EXOC6: variants seen among roughly 807,000 people sequenced by gnomAD.
EXOC6 encodes SEC15-like 1.
In EXOC6, 60 loss-of-function variants were observed where a neutral mutation model predicts 112.5. The observed-to-expected ratio is 0.53, with a 90% confidence interval of 0.43 to 0.66. The LOEUF is 0.66. Among genes scored for constraint, EXOC6 ranks in the 30% least tolerant of loss-of-function variants. The pLI is 0.00. For missense variants in EXOC6, 855 were observed against 957.1 expected (o/e 0.89, Z 1.41); for synonymous variants, 295 against 308.0 (o/e 0.96, Z 0.44).
chr10:92,858,579 C>T (rs74391745), intron 1 of EXOC6, among the ~76,000 whole-genome samples: 20 of 152,262 alleles, frequency 1.3e-4, no homozygotes, highest in African/African-American at 4.6e-4. Flanking sequence ...CTTTTCAACT[C>T]TGGAATTTCC....
At chr10:92,990,443 A>C (rs891409593) in intron 18 of EXOC6, among the ~76,000 whole-genome samples, 1 of 152,216 alleles carries the variant, frequency 6.6e-6, no homozygotes, top group Admixed American at 6.5e-5. Context: ...AGTAGTAATG[A>C]AAGGGCTTTT....
chr10:92,962,546 C>A (rs962943424), intron 17 of EXOC6, among the ~76,000 whole-genome samples: 1 of 151,946 alleles, frequency 6.6e-6, no homozygotes, highest in African/African-American at 2.4e-5. Context: ...CATGCTACTA[C>A]CCTGGCTGAT....
chr10:93,057,179 A>G (rs577361456), intron 21 of EXOC6, 143 bp downstream of exon 21: 2 of 487,824 alleles, frequency 4.1e-6, no homozygotes, highest in East Asian at 7.0e-5. Flanking sequence ...CCAAAAAATA[A>G]GCTTTTCTTT....
intron 1 of EXOC6, among the ~76,000 whole-genome samples, chr10:92,869,858 A>G (rs1308191843): frequency 6.6e-6 from 1 of 151,870 alleles, no homozygotes; most frequent in Non-Finnish European, 1.5e-5. Context: ...TAATTGCAAT[A>G]CAGTGGTTGA....
intron 1 of EXOC6, among the ~76,000 whole-genome samples, chr10:92,828,127 C>G (rs1846415827): frequency 6.6e-6 from 1 of 152,158 alleles, no homozygotes; most frequent in Admixed American, 6.5e-5. Flanking sequence ...TTGTTGATCT[C>G]TCTAGATTTT....
intron 8 of EXOC6, among the ~76,000 whole-genome samples, chr10:92,925,062 A>C (rs1014807303): frequency 6.6e-6 from 1 of 152,164 alleles, no homozygotes; most frequent in Admixed American, 6.6e-5. Context: ...CAAAAGTTGA[A>C]CAGGTTTTAT....
At chr10:92,996,561 G>A (rs1843500759) in intron 18 of EXOC6, among the ~76,000 whole-genome samples, 1 of 150,270 alleles carries the variant, frequency 6.7e-6, no homozygotes, top group Non-Finnish European at 1.5e-5. Context: ...AGCTTGCAGT[G>A]AGCCGAGATT....
chr10:92,888,088 A>G (rs1400342962), intron 1 of EXOC6, among the ~76,000 whole-genome samples: 1 of 152,168 alleles, frequency 6.6e-6, no homozygotes, highest in African/African-American at 2.4e-5. Context: ...CTTCTCATTC[A>G]CAGTACTAAT....
At chr10:92,904,017 A>G (rs1218066932) in intron 5 of EXOC6, among the ~76,000 whole-genome samples, 4 of 152,018 alleles carry the variant, frequency 2.6e-5, no homozygotes, top group Non-Finnish European at 5.9e-5. Flanking sequence ...CTATAGTTTT[A>G]TCTTTTCCAG....
intron 2 of EXOC6, 70 bp downstream of exon 2, chr10:92,893,590 A>G (rs1028598805): frequency 7.1e-6 from 9 of 1,261,342 alleles, no homozygotes; most frequent in East Asian, 2.3e-5. Context: ...GATAGTACAT[A>G]TGTACAAGTC....
chr10:92,977,260 T>C (rs2134108154), intron 18 of EXOC6, among the ~76,000 whole-genome samples: 1 of 143,774 alleles, frequency 7.0e-6, no homozygotes, highest in Non-Finnish European at 1.5e-5. Flanking sequence ...CTCTCTCTGC[T>C]TGGAATGGGG....
At chr10:92,980,658 C>G (rs1387484954) in intron 18 of EXOC6, among the ~76,000 whole-genome samples, 1 of 152,158 alleles carries the variant, frequency 6.6e-6, no homozygotes, top group Non-Finnish European at 1.5e-5. Context: ...GCAGTGCTTA[C>G]AATTGCTAAC....
chr10:92,912,731 T>C (rs759790636), intron 6 of EXOC6, among the ~76,000 whole-genome samples: 23 of 152,130 alleles, frequency 1.5e-4, no homozygotes, highest in Admixed American at 1.5e-3. Flanking sequence ...AAACAATCTA[T>C]AGAAACAGGA....
chr10:92,996,413 C>A (rs368888994), intron 18 of EXOC6, among the ~76,000 whole-genome samples: 1 of 152,072 alleles, frequency 6.6e-6, no homozygotes, highest in Non-Finnish European at 1.5e-5. Context: ...AAGGTCAGAT[C>A]GAGACCATCC....
rs750862384 is a variant in EXOC6, at chr10:92,899,690, A to G, written c.458+46A>G. On this transcript the variant is annotated intron_variant, in intron 5 of 21. Transcript: ENST00000260762. ...TTGTTTTAAATAAGAATTTTTTTCT[A>G]TTATTGAAAGGACAGATACATTTAC... 25 of 1,384,248 alleles carry G rather than the reference A, an allele frequency of 1.8e-5. No homozygotes were observed. The East Asian group carries it at 2.6e-4, about 14-fold the overall frequency. 85.7% of individuals were successfully genotyped at this position (1,384,248 alleles called of 1,614,324 possible).
At chr10:92,857,964 T>C (rs1272970539) in intron 1 of EXOC6, among the ~76,000 whole-genome samples, 1 of 151,668 alleles carries the variant, frequency 6.6e-6, no homozygotes, top group Non-Finnish European at 1.5e-5. Context: ...CATGTCTTTA[T>C]GTCATCTTCA....
At chr10:92,902,303 AT>A (rs1214010159) in intron 5 of EXOC6, among the ~76,000 whole-genome samples, 1 of 151,520 alleles carries the variant, frequency 6.6e-6, no homozygotes, top group Non-Finnish European at 1.5e-5. Flanking sequence ...TTTTTGAATT[AT>A]TTTTTTCTTT....
chr10:92,949,777 G>T (rs1233834553), intron 14 of EXOC6, among the ~76,000 whole-genome samples: 1 of 151,966 alleles, frequency 6.6e-6, no homozygotes, highest in Non-Finnish European at 1.5e-5. Context: ...ATTTTTTTTA[G>T]TAGAGACAGG....
At chr10:92,986,443 G>A (rs1427408935) in intron 18 of EXOC6, among the ~76,000 whole-genome samples, 1 of 151,878 alleles carries the variant, frequency 6.6e-6, no homozygotes, top group African/African-American at 2.4e-5. Flanking sequence ...CTGTCCCACT[G>A]CCTACTAGGG....
Sources: gnomAD v4.1 joint callset for allele counts (sites outside exome capture counted in the v4.1 genomes callset) on GRCh38, gnomAD v4.1.1 for gene constraint, MANE v1.5 for transcripts, NCBI Gene and HGNC (gene_info 2026-07-23, HGNC 2026-07-21) for gene names.